Variants in RGS6 observed in about 807,000 individuals in gnomAD.
The protein encoded by RGS6 is regulator of G-protein signaling 6.
RGS6 carries 30 observed loss-of-function variants against 78.5 expected under a neutral mutation model. The ratio of observed to expected loss-of-function variants is 0.38; its 90% CI spans 0.29 to 0.52. The LOEUF is 0.52. Among genes scored for constraint, RGS6 ranks in the 20% least tolerant of loss-of-function variants. The probability of loss-of-function intolerance (pLI) is 0.85; values close to 1 mark genes in which losing one functional copy is unlikely to be tolerated. For missense variants in RGS6, 495 were observed against 609.7 expected, an observed-to-expected ratio of 0.81 and a Z score of 1.98; for synonymous variants, 206 against 206.0, an observed-to-expected ratio of 1.00 and a Z score of 0.00.
At chr14:71,944,570 TA>T (rs1368004971) in intron 1 of RGS6, among the ~76,000 whole-genome samples, 1 of 152,222 alleles carries the variant, frequency 6.6e-6, no homozygotes, top group Non-Finnish European at 1.5e-5. Flanking sequence ...GGGGATTTTG[TA>T]AGTCAGATTT....
chr14:72,063,191 G>A (rs957556158), intron 2 of RGS6, among the ~76,000 whole-genome samples: 9 of 152,108 alleles, frequency 5.9e-5, no homozygotes, highest in African/African-American at 1.9e-4. Flanking sequence ...AATCTGGGGT[G>A]CTCCCAACAG....
chr14:72,225,790 T>C (rs2047997966), intron 2 of RGS6, among the ~76,000 whole-genome samples: 1 of 152,246 alleles, frequency 6.6e-6, no homozygotes, highest in Admixed American at 6.5e-5. Flanking sequence ...ATCTGGCTTC[T>C]TCACTTATAT....
intron 3 of RGS6, among the ~76,000 whole-genome samples, chr14:72,386,672 C>G (rs2088175437): frequency 6.6e-6 from 1 of 152,148 alleles, no homozygotes; most frequent in Non-Finnish European, 1.5e-5. Context: ...GGGCTCAAAT[C>G]CAGAGCCCCA....
At chr14:72,489,163 C>CG (rs1566967264) in intron 12 of RGS6, among the ~76,000 whole-genome samples, 3 of 150,556 alleles carry the variant, frequency 2.0e-5, no homozygotes, top group African/African-American at 7.3e-5. Flanking sequence ...GGGGCCCCCC[C>CG]ACCGGCTGTT....
chr14:72,426,808 T>TGG (rs2094451218), intron 3 of RGS6, among the ~76,000 whole-genome samples: 1 of 152,252 alleles, frequency 6.6e-6, no homozygotes, highest in African/African-American at 2.4e-5. Flanking sequence ...TTTCCAAAGA[T>TGG]GTCTGGAATA....
chr14:72,194,008 C>T (rs1204464010), intron 2 of RGS6, among the ~76,000 whole-genome samples: 1 of 152,154 alleles, frequency 6.6e-6, no homozygotes, highest in Non-Finnish European at 1.5e-5. Context: ...TTCTGACCGT[C>T]ATGTGCAATG....
chr14:72,172,851 C>T (rs1426035824), intron 2 of RGS6, among the ~76,000 whole-genome samples: 1 of 152,154 alleles, frequency 6.6e-6, no homozygotes, highest in Non-Finnish European at 1.5e-5. Flanking sequence ...GGGGGTAAAG[C>T]GCTTCTGATG....
intron 2 of RGS6, among the ~76,000 whole-genome samples, chr14:72,055,719 A>G (rs1245628169): frequency 6.6e-6 from 1 of 152,166 alleles, no homozygotes; most frequent in East Asian, 1.9e-4. Flanking sequence ...ACTGCTTTAA[A>G]ATACAGAAAT....
intron 1 of RGS6, among the ~76,000 whole-genome samples, chr14:71,962,650 A>C (rs569429598): frequency 6.6e-6 from 1 of 152,336 alleles, no homozygotes; most frequent in African/African-American, 2.4e-5. Context: ...CTGATATTAC[A>C]GTGTATAGAG....
At chr14:72,569,990 G>A (rs996352317), downstream of RGS6, among the ~76,000 whole-genome samples, 1 of 152,162 alleles carries the variant, frequency 6.6e-6, no homozygotes, top group African/African-American at 2.4e-5. Context: ...GAGCCCGTTT[G>A]AGAAAGCATA....
chr14:72,501,666 T>C (rs527267231), intron 13 of RGS6, among the ~76,000 whole-genome samples: 14 of 152,326 alleles, frequency 9.2e-5, no homozygotes, highest in Admixed American at 1.3e-4. Flanking sequence ...GGGATACGTA[T>C]GTAAAGTATT....
At chr14:72,208,159 G>A (rs963751909) in intron 2 of RGS6, among the ~76,000 whole-genome samples, 4 of 152,212 alleles carry the variant, frequency 2.6e-5, no homozygotes, top group African/African-American at 9.6e-5. Flanking sequence ...GCCAGTGAGA[G>A]TCACTATGAA....
rs527865102 is a variant in RGS6, at chr14:72,309,242, G to A, written c.85-42853G>A. The stretch of plus-strand genomic sequence containing the variant: ...CCTCAGAGGTCAGAGCGAGGCTGGT[G>A]TACAGGGCAGTGGATGTGAGAGCTT... On this transcript the variant is annotated intron_variant, in intron 2 of 17. Transcript: ENST00000553525. 3.3e-5 allele frequency among the ~76,000 whole-genome samples: 5 copies of A among 152,332 alleles called. 1 individual carries two copies. The highest frequency in any genetic ancestry group is 3.3e-4 in the Admixed American group (5 of 15,312).
At chr14:72,131,310 C>CT (rs2096310141) in intron 2 of RGS6, among the ~76,000 whole-genome samples, 1 of 152,128 alleles carries the variant, frequency 6.6e-6, no homozygotes, top group Non-Finnish European at 1.5e-5. Context: ...CTGGAGTCTT[C>CT]TTTTTAGGAT....
intron 2 of RGS6, among the ~76,000 whole-genome samples, chr14:72,073,984 T>A (rs1360911795): frequency 6.6e-6 from 1 of 152,184 alleles, no homozygotes; most frequent in African/African-American, 2.4e-5. Flanking sequence ...TTTGTTTAAT[T>A]TTTTTCTCCA....
intron 2 of RGS6, among the ~76,000 whole-genome samples, chr14:72,006,621 C>T (rs1423760793): frequency 6.6e-6 from 1 of 152,196 alleles, no homozygotes; most frequent in East Asian, 1.9e-4. Flanking sequence ...CAGGCCTGGC[C>T]ATCAGCTTGA....
At chr14:72,350,607 CT>C (rs890055571) in intron 2 of RGS6, among the ~76,000 whole-genome samples, 5 of 152,280 alleles carry the variant, frequency 3.3e-5, no homozygotes, top group East Asian at 1.9e-4. Flanking sequence ...TCTTGTCCCC[CT>C]GGCACATTGA....
chr14:71,878,149 A>G, the RGS6 span, among the ~76,000 whole-genome samples: 1 of 152,170 alleles, frequency 6.6e-6, no homozygotes, highest in East Asian at 1.9e-4. Flanking sequence ...TGAGGAGGCA[A>G]TCTGTATGTT....
chr14:71,959,596 T>C (rs1352516445), intron 1 of RGS6, among the ~76,000 whole-genome samples: 2 of 152,232 alleles, frequency 1.3e-5, no homozygotes, highest in Non-Finnish European at 1.5e-5. Context: ...AGGGTAATTG[T>C]AGTTGGTTCT....
Sources: gnomAD v4.1 joint callset for allele counts (sites outside exome capture counted in the v4.1 genomes callset) on GRCh38, gnomAD v4.1.1 for gene constraint, MANE v1.5 for transcripts, NCBI Gene and HGNC (gene_info 2026-07-23, HGNC 2026-07-21) for gene names.